The following CADPS variants were observed in gnomAD, a reference collection of about 807,000 sequenced individuals.
The protein encoded by CADPS is calcium dependent secretion activator, also known as calcium-dependent secretion activator 1.
A neutral mutation model predicts 167.3 loss-of-function variants in CADPS; 57 were observed. The observed-to-expected ratio is 0.34, with a 90% CI of 0.28 to 0.42. The LOEUF (loss-of-function observed/expected upper bound fraction) is 0.42, where lower values mean the gene tolerates loss of function less well. CADPS is among the 20% of genes least tolerant of loss of function. The pLI is 1.00. For synonymous variants in CADPS, 676 were observed against 635.3 expected (o/e 1.06, Z -0.96); for missense variants, 1,414 against 1,738.1 (o/e 0.81, Z 3.32).
chr3:62,852,065 A>G (rs2078715608), intron 1 of CADPS, among the ~76,000 whole-genome samples: 2 of 147,086 alleles, frequency 1.4e-5, no homozygotes, highest in Non-Finnish European at 3.0e-5. Context: ...AGTTGATCGC[A>G]TCGGCTCCTG....
intron 6 of CADPS, among the ~76,000 whole-genome samples, chr3:62,628,904 C>T (rs575985691): frequency 9.9e-5 from 15 of 152,132 alleles, no homozygotes; most frequent in East Asian, 7.7e-4. Context: ...GGATTACAGT[C>T]ATGAACCACC....
At chr3:62,470,012 T>C (rs558104581) in intron 24 of CADPS, among the ~76,000 whole-genome samples, 4 of 152,352 alleles carry the variant, frequency 2.6e-5, no homozygotes, top group East Asian at 3.9e-4. Context: ...AGATTGTGTG[T>C]ATGTTGTCTT....
intron 3 of CADPS, among the ~76,000 whole-genome samples, chr3:62,738,416 ATACT>A (rs1263734358): frequency 7.2e-6 from 1 of 139,290 alleles, no homozygotes; most frequent in Non-Finnish European, 1.6e-5. Context: ...AACAACAAAA[ATACT>A]TACACATTAA....
chr3:62,818,772 GC>G (rs1268507070), intron 1 of CADPS, among the ~76,000 whole-genome samples: 1 of 152,160 alleles, frequency 6.6e-6, no homozygotes, highest in Non-Finnish European at 1.5e-5. Flanking sequence ...ACTGGAGACA[GC>G]CAAAATGTCC....
chr3:62,464,570 C>T (rs1043341172), intron 26 of CADPS, among the ~76,000 whole-genome samples: 2 of 152,168 alleles, frequency 1.3e-5, no homozygotes, highest in Non-Finnish European at 2.9e-5. Flanking sequence ...TTATAGCAAC[C>T]ATCTTCATTG....
At chr3:62,571,009 T>C in intron 8 of CADPS, 71 bp from the exon 9 acceptor site, 1 of 1,016,310 alleles carries the variant, frequency 9.8e-7, no homozygotes, top group Non-Finnish European at 1.6e-6. Flanking sequence ...CACTTTGCCG[T>C]GAAGCTTGGT....
intron 8 of CADPS, among the ~76,000 whole-genome samples, chr3:62,574,901 T>C (rs2081989372): frequency 6.6e-6 from 1 of 152,214 alleles, no homozygotes; most frequent in East Asian, 1.9e-4. Flanking sequence ...AGAAAATGTA[T>C]CATTTTAGCA....
intron 26 of CADPS, among the ~76,000 whole-genome samples, chr3:62,461,441 C>T (rs1261752370): frequency 1.3e-5 from 2 of 152,130 alleles, no homozygotes; most frequent in Non-Finnish European, 2.9e-5. Flanking sequence ...ACTCCATGGA[C>T]TCTCAGGACT....
chr3:62,430,388 G>T (rs2053677485), intron 28 of CADPS, among the ~76,000 whole-genome samples: 1 of 152,116 alleles, frequency 6.6e-6, no homozygotes, highest in African/African-American at 2.4e-5. Flanking sequence ...AAAACACTCG[G>T]TTCATCTCCT....
intron 9 of CADPS, among the ~76,000 whole-genome samples, chr3:62,561,586 A>G (rs554487143): frequency 1.4e-4 from 21 of 152,182 alleles, no homozygotes; most frequent in South Asian, 1.0e-3. Flanking sequence ...CTCTTAATAC[A>G]TGTTAAAATC....
At chr3:62,725,111 T>G (rs1028830015) in intron 3 of CADPS, among the ~76,000 whole-genome samples, 2 of 152,162 alleles carry the variant, frequency 1.3e-5, no homozygotes, top group East Asian at 3.9e-4. Flanking sequence ...GAATTCCCAA[T>G]CTTCTCCTCA....
intron 1 of CADPS, among the ~76,000 whole-genome samples, chr3:62,807,526 T>G (rs2094164420): frequency 6.6e-6 from 1 of 152,032 alleles, no homozygotes; most frequent in Non-Finnish European, 1.5e-5. Context: ...CCTCCCAAAG[T>G]GCTGGGATTA....
intron 1 of CADPS, among the ~76,000 whole-genome samples, chr3:62,873,878 C>T (rs1021441851): frequency 6.6e-6 from 1 of 152,078 alleles, no homozygotes; most frequent in African/African-American, 2.4e-5. Flanking sequence ...CGTGCCCCTG[C>T]TCTGGGGTCA....
intron 8 of CADPS, among the ~76,000 whole-genome samples, chr3:62,578,185 C>G: frequency 1.8e-5 from 1 of 56,114 alleles, no homozygotes; most frequent in East Asian, 6.6e-4. Context: ...ACCATGCTAA[C>G]ACTTTTTTTT....
At chr3:62,626,578 G>A (rs2149585506) in intron 6 of CADPS, 1 of 702,102 alleles carries the variant, frequency 1.4e-6, no homozygotes, top group East Asian at 2.7e-5. Flanking sequence ...ATTACCCTAG[G>A]AAGAAGTTCT....
At chr3:62,431,557 C>A (rs2053956649) in intron 28 of CADPS, among the ~76,000 whole-genome samples, 1 of 149,058 alleles carries the variant, frequency 6.7e-6, no homozygotes, top group Admixed American at 6.7e-5. Context: ...CTCAGCAAAT[C>A]AGTTCTATGT....
At chr3:62,813,972 G>A (rs1000781681) in intron 1 of CADPS, among the ~76,000 whole-genome samples, 3 of 152,050 alleles carry the variant, frequency 2.0e-5, no homozygotes, top group African/African-American at 4.8e-5. Flanking sequence ...ACTTTTCAAC[G>A]ACAGACAGTG....
intron 3 of CADPS, among the ~76,000 whole-genome samples, chr3:62,676,883 C>T (rs552607065): frequency 1.4e-4 from 21 of 152,222 alleles, no homozygotes; most frequent in East Asian, 3.9e-4. Context: ...AACAAGATAG[C>T]GCCCTGGGTG....
chr3:62,416,715 T>G (rs541714126), intron 28 of CADPS, among the ~76,000 whole-genome samples: 19 of 152,270 alleles, frequency 1.2e-4, no homozygotes, highest in African/African-American at 3.9e-4. Flanking sequence ...AGCTATGGTC[T>G]CTCAAAGATT....
Sources: gnomAD v4.1 joint callset for allele counts (sites outside exome capture counted in the v4.1 genomes callset) on GRCh38, gnomAD v4.1.1 for gene constraint, MANE v1.5 for transcripts, NCBI Gene and HGNC (gene_info 2026-07-23, HGNC 2026-07-21) for gene names.